The following TLN2 variants were observed in gnomAD, a reference collection of about 807,000 sequenced individuals.
TLN2 encodes talin-2.
In TLN2, 118 loss-of-function variants were observed where a neutral mutation model predicts 294.7. That is an observed-to-expected ratio of 0.40 (90% CI 0.34 to 0.47). The LOEUF is 0.47. Ranked by LOEUF, TLN2 falls within the 20% of genes least tolerant of loss-of-function variation. TLN2 has a pLI of 0.84. For missense variants in TLN2, 3,083 were observed against 3,282.2 expected (o/e 0.94, Z 1.48); for synonymous variants, 1,431 against 1,304.5 (o/e 1.10, Z -2.09).
At chr15:62,714,403 C>T (rs28695671) in intron 22 of TLN2, among the ~76,000 whole-genome samples, 6,325 of 151,796 alleles carry the variant, frequency 0.042, 424 homozygotes, top group African/African-American at 0.14. Flanking sequence ...AGGGTTTCCC[C>T]GTGTTAGCCA....
chr15:62,392,058 C>T (rs2032139457), intron 1 of TLN2, among the ~76,000 whole-genome samples: 1 of 152,252 alleles, frequency 6.6e-6, no homozygotes, highest in Admixed American at 6.5e-5. Context: ...CCCGAGGCCG[C>T]CGAACAGCCT....
chr15:62,463,668 G>A (rs994942659), intron 1 of TLN2, among the ~76,000 whole-genome samples: 2 of 152,156 alleles, frequency 1.3e-5, no homozygotes, highest in African/African-American at 4.8e-5. Flanking sequence ...GATGGATCAC[G>A]AGGTCAGGAG....
At chr15:62,825,775 TAA>T (rs1491293135) in intron 54 of TLN2, among the ~76,000 whole-genome samples, 1 of 24,360 alleles carries the variant, frequency 4.1e-5, no homozygotes, top group Non-Finnish European at 8.6e-5. Flanking sequence ...ATATATTATA[TAA>T]TATATTATAT....
intron 7 of TLN2, 98 bp downstream of exon 7, chr15:62,653,412 T>A (rs2052826851): frequency 7.2e-7 from 1 of 1,386,816 alleles, no homozygotes; most frequent in African/African-American, 1.5e-5. Flanking sequence ...GACTTTTGAT[T>A]TTTGTTTTTA....
chr15:62,705,609 A>G (rs1443961062), intron 19 of TLN2, among the ~76,000 whole-genome samples: 1 of 152,224 alleles, frequency 6.6e-6, no homozygotes, highest in East Asian at 1.9e-4. Flanking sequence ...CCATCTGAAA[A>G]GATGAATTCA....
chr15:62,686,697 C>T lies in TLN2; in HGVS notation c.1014C>T (p.Asp338=). 2 of 1,614,036 alleles carry T rather than the reference C, an allele frequency of 1.2e-6. No individual in the cohort carries two copies. The highest frequency in any genetic ancestry group is 2.2e-5 in the East Asian group (1 of 44,874). The change falls in exon 12 of 59, where the codon GAC becomes GAT. Residue 338 remains aspartate (D), a synonymous_variant. Transcript: ENST00000636159. ...LVPRLLGITK[D]SVMRVDEKTK... is the part of the protein sequence containing the mutation. ...CTCGCCTGCTGGGGATCACCAAAGA[C>T]TCGGTGATGCGCGTGGATGAGAAGA...
Position 62,840,851 on chromosome 15 carries a change from C to G in TLN2, c.*241C>G. On this transcript the variant is annotated 3_prime_UTR_variant, in exon 59 of 59. Transcript: ENST00000636159. ...CGCCTCCCCTCATGCCTCACCGTGTCTCAGGAGAGAGGGGTGCACGTTTCA... is the reference window on the plus strand; with the variant it reads ...CGCCTCCCCTCATGCCTCACCGTGTGTCAGGAGAGAGGGGTGCACGTTTCA... 1 of 486,634 alleles carries G rather than the reference C, an allele frequency of 2.1e-6. No homozygotes were observed. Among genetic ancestry groups the G allele is most frequent in the Non-Finnish European group, 3.6e-6 (1 of 278,536 alleles). The allele number at this position is 486,634 out of a possible 1,614,324, so 30.1% of individuals were successfully genotyped here.
intron 32 of TLN2, among the ~76,000 whole-genome samples, chr15:62,741,639 G>C (rs138808646): frequency 6.6e-6 from 1 of 151,458 alleles, no homozygotes; most frequent in Non-Finnish European, 1.5e-5. Flanking sequence ...GACTATTAGG[G>C]GATAGAGAGT....
At chr15:62,402,713 C>T (rs1566944686) in intron 1 of TLN2, among the ~76,000 whole-genome samples, 1 of 152,168 alleles carries the variant, frequency 6.6e-6, no homozygotes, top group South Asian at 2.1e-4. Context: ...TTTCTATACC[C>T]ACTTCTCAGC....
At chr15:62,642,661 T>C (rs983902427) in intron 3 of TLN2, among the ~76,000 whole-genome samples, 4 of 152,092 alleles carry the variant, frequency 2.6e-5, no homozygotes, top group African/African-American at 9.7e-5. Flanking sequence ...CTAATCCTAC[T>C]TTCTTTTTGT....
intron 1 of TLN2, among the ~76,000 whole-genome samples, chr15:62,405,727 C>G (rs939343763): frequency 2.0e-5 from 3 of 152,012 alleles, no homozygotes; most frequent in South Asian, 4.2e-4. Context: ...TGGTGGGGAA[C>G]CAGAAGCTGG....
At chr15:62,817,022 A>G (rs1223474548) in intron 52 of TLN2, among the ~76,000 whole-genome samples, 1 of 152,100 alleles carries the variant, frequency 6.6e-6, no homozygotes, top group Admixed American at 6.5e-5. Context: ...CTCTTTATAT[A>G]TATATATTAA....
At position 62,570,859 on chromosome 15, in the gene TLN2, G is replaced by C. The variant is rs546493491; in HGVS notation, c.-237-18828G>C. Reference sequence around the variant, plus strand: ...GCCAATCTTCTCCAAGGTGGTAAGCGTACTACTGGTGGCATAGTGGAAGAA... The same window carrying C: ...GCCAATCTTCTCCAAGGTGGTAAGCCTACTACTGGTGGCATAGTGGAAGAA... On this transcript the variant is annotated intron_variant, in intron 1 of 58. Transcript: ENST00000636159. Among the ~76,000 whole-genome samples the C allele has an allele frequency of 8.8e-4, 134 of 152,086 alleles. 1 individual carries two copies. The highest frequency in any genetic ancestry group is 1.5e-3 in the Non-Finnish European group (103 of 67,998).
intron 1 of TLN2, among the ~76,000 whole-genome samples, chr15:62,500,791 A>C (rs72753882): frequency 6.6e-5 from 10 of 152,190 alleles, no homozygotes; most frequent in Non-Finnish European, 1.5e-4. Context: ...CAATTGGGCA[A>C]CTTTTTCCTG....
chr15:62,534,666 G>A (rs1183023050), intron 1 of TLN2, among the ~76,000 whole-genome samples: 2 of 152,146 alleles, frequency 1.3e-5, no homozygotes, highest in African/African-American at 2.4e-5. Flanking sequence ...CTCCTCTGAG[G>A]TTGGGAGTGG....
At chr15:62,686,442 C>G (rs1160000451) in intron 11 of TLN2, among the ~76,000 whole-genome samples, 199 bp from the exon 12 acceptor site, 1 of 152,178 alleles carries the variant, frequency 6.6e-6, no homozygotes. Flanking sequence ...TCTTTCCAGT[C>G]TTCTCATGTC....
At chr15:62,653,546 A>G (rs1182406427) in intron 7 of TLN2, among the ~76,000 whole-genome samples, 1 of 152,106 alleles carries the variant, frequency 6.6e-6, no homozygotes, top group African/African-American at 2.4e-5. Context: ...CAATATGGTG[A>G]AACCTCATCT....
At chr15:62,831,197 A>G (rs1471303750) in intron 54 of TLN2, 2 of 152,162 alleles carry the variant, frequency 1.3e-5, no homozygotes, top group African/African-American at 4.8e-5. Context: ...TGGGAAATAA[A>G]AAGTCTGACA....
intron 1 of TLN2, among the ~76,000 whole-genome samples, chr15:62,491,379 CACACACACACACACACA>C (rs2038716764): frequency 1.6e-5 from 2 of 128,448 alleles, no homozygotes; most frequent in African/African-American, 6.7e-5. Flanking sequence ...CACACACACA[CACACACACACACACACA>C]TTTATATAAG....
Sources: gnomAD v4.1 joint callset for allele counts (sites outside exome capture counted in the v4.1 genomes callset) on GRCh38, gnomAD v4.1.1 for gene constraint, MANE v1.5 for transcripts, NCBI Gene and HGNC (gene_info 2026-07-23, HGNC 2026-07-21) for gene names.